The following SUMF1 variants were observed in gnomAD, a reference collection of about 807,000 sequenced individuals.
SUMF1 encodes the protein sulfatase modifying factor 1, also known as formylglycine-generating enzyme.
A neutral mutation model predicts 47.6 loss-of-function variants in SUMF1; 48 were observed. That is an observed-to-expected ratio of 1.01 (90% CI 0.80 to 1.28). The LOEUF (loss-of-function observed/expected upper bound fraction) is 1.28, where lower values mean the gene tolerates loss of function less well. SUMF1 is among the 50% of genes most tolerant of loss of function. SUMF1 has a pLI of 0.00. For missense variants in SUMF1, 571 were observed against 485.4 expected, an observed-to-expected ratio of 1.18 and a Z score of -1.66; for synonymous variants, 230 against 192.1, an observed-to-expected ratio of 1.20 and a Z score of -1.63.
intron 3 of SUMF1, among the ~76,000 whole-genome samples, chr3:4,445,679 C>T (rs1171071098): frequency 6.6e-6 from 1 of 152,122 alleles, no homozygotes; most frequent in Non-Finnish European, 1.5e-5. Flanking sequence ...TTCATGAAGA[C>T]TTTTTTAAAT....
At chr3:4,369,526 C>T (rs1009650986) in intron 8 of SUMF1, among the ~76,000 whole-genome samples, 1 of 152,182 alleles carries the variant, frequency 6.6e-6, no homozygotes, top group Non-Finnish European at 1.5e-5. Flanking sequence ...GCAAACTCCA[C>T]ACTGCAACAA....
intron 9 of SUMF1, among the ~76,000 whole-genome samples, chr3:4,063,547 G>C (rs1336264373): frequency 6.6e-6 from 1 of 152,016 alleles, no homozygotes; most frequent in African/African-American, 2.4e-5. Context: ...CAAACCTGCT[G>C]AATATGCATG....
chr3:4,293,414 G>C (rs543481397), intron 8 of SUMF1, among the ~76,000 whole-genome samples: 2 of 152,262 alleles, frequency 1.3e-5, no homozygotes, highest in East Asian at 1.9e-4. Context: ...CACAGGCATA[G>C]AGCAGTTTGT....
Position 4,217,602 on chromosome 3 carries a change from C to A in SUMF1, c.1015-148857G>T, listed in dbSNP as rs113279992. Among the ~76,000 whole-genome samples the A allele has an allele frequency of 2.3e-5, 3 of 128,318 alleles. 1 individual carries two copies. The highest frequency in any genetic ancestry group is 9.0e-5 in the African/African-American group (3 of 33,444). The allele number at this position is 128,318 out of a possible 152,430, so 84.2% of individuals were successfully genotyped here. On this transcript the variant is annotated intron_variant and NMD_transcript_variant, in intron 8 of 12. Transcript: ENST00000448413. Reference sequence around the variant, plus strand: ...GAGACAACATTTTGTATATATTTCACGATTTCTTTTTAGGGAAATGTACAA... The same window carrying A: ...GAGACAACATTTTGTATATATTTCAAGATTTCTTTTTAGGGAAATGTACAA...
At chr3:4,303,898 A>G in intron 8 of SUMF1, 6 of 1,240,470 alleles carry the variant, frequency 4.8e-6, no homozygotes, top group Non-Finnish European at 6.3e-6. Context: ...CTATTAATGG[A>G]TCGCAGCCGG....
rs1388768119 is a variant in SUMF1 at position 4,075,568 on chromosome 3, C to T, written c.1015-6823G>A. Among the ~76,000 whole-genome samples the T allele has an allele frequency of 2.6e-5, 4 of 152,100 alleles. No homozygotes were observed. The South Asian group carries it at 8.3e-4, about 32-fold the overall frequency. ...TCAAATTGTCTCTGTTTGCAGATGA[C>T]ATGTTTATATATTTAGAAAACCCCA... On this transcript the variant is annotated intron_variant and NMD_transcript_variant, in intron 8 of 12. Transcript: ENST00000448413.
chr3:4,302,215 T>C (rs540661289), intron 8 of SUMF1, among the ~76,000 whole-genome samples: 11 of 152,258 alleles, frequency 7.2e-5, no homozygotes, highest in African/African-American at 2.6e-4. Context: ...CCCAAGGTGG[T>C]TGGGATACAG....
In SUMF1 at chr3:4,210,937, C is replaced by G. The variant is rs563464032; in HGVS notation, c.1015-142192G>C. 5.3e-5 allele frequency among the ~76,000 whole-genome samples: 8 copies of G among 151,452 alleles called. No individual in the cohort carries two copies. The East Asian group carries it at 1.6e-3, about 30-fold the overall frequency. ...TCATAAAAAGGCTAGACTGGCATAG[C>G]CTCCCAGCATACATCTTTCTCCTGT... On this transcript the variant is annotated intron_variant and NMD_transcript_variant, in intron 8 of 12. Transcript: ENST00000448413.
intron 8 of SUMF1, among the ~76,000 whole-genome samples, chr3:4,097,298 C>A (rs890846102): frequency 8.5e-5 from 13 of 152,090 alleles, no homozygotes; most frequent in Non-Finnish European, 1.5e-4. Flanking sequence ...CGCCTGTAAT[C>A]CCAGCACTTT....
intron 8 of SUMF1, among the ~76,000 whole-genome samples, chr3:4,235,953 ATT>A (rs915082660): frequency 6.6e-6 from 1 of 151,802 alleles, no homozygotes; most frequent in South Asian, 2.1e-4. Context: ...GTGTACAATA[ATT>A]TTTTTGAGAC....
At chr3:4,141,193 C>T (rs949292610) in intron 8 of SUMF1, among the ~76,000 whole-genome samples, 2 of 152,142 alleles carry the variant, frequency 1.3e-5, no homozygotes, top group African/African-American at 4.8e-5. Context: ...GTACTCCTTT[C>T]AAATAAATGC....
intron 8 of SUMF1, among the ~76,000 whole-genome samples, chr3:4,155,892 G>C (rs1250451113): frequency 6.6e-6 from 1 of 150,988 alleles, no homozygotes; most frequent in African/African-American, 2.5e-5. Flanking sequence ...CCCCTCCACA[G>C]ATACTCTTCA....
intron 8 of SUMF1, among the ~76,000 whole-genome samples, chr3:4,297,489 C>A (rs1697876709): frequency 6.6e-6 from 1 of 151,868 alleles, no homozygotes; most frequent in Non-Finnish European, 1.5e-5. Context: ...CTAACTGAAG[C>A]CTTGGATTGC....
chr3:4,201,038 G>A (rs900172930), intron 8 of SUMF1, among the ~76,000 whole-genome samples: 1 of 151,702 alleles, frequency 6.6e-6, no homozygotes, highest in Admixed American at 6.6e-5. Context: ...TATTTATAAG[G>A]TATATGAGAT....
chr3:4,291,422 T>G (rs1424548047), intron 8 of SUMF1, among the ~76,000 whole-genome samples: 1 of 152,156 alleles, frequency 6.6e-6, no homozygotes, highest in African/African-American at 2.4e-5. Context: ...CTTCCATTTT[T>G]ACTCACTCTA....
chr3:4,179,152 C>T (rs1033629599), intron 8 of SUMF1, among the ~76,000 whole-genome samples: 27 of 152,120 alleles, frequency 1.8e-4, no homozygotes, highest in African/African-American at 4.8e-4. Flanking sequence ...ATCAAGCTAC[C>T]GCTGACTTTC....
chr3:4,164,463 G>T (rs754701028), intron 8 of SUMF1, among the ~76,000 whole-genome samples: 1 of 152,194 alleles, frequency 6.6e-6, no homozygotes. Flanking sequence ...CTGGGGCAGT[G>T]CGCCTTCCAG....
intron 8 of SUMF1, among the ~76,000 whole-genome samples, chr3:4,124,865 A>G (rs1433938237): frequency 6.6e-6 from 1 of 152,038 alleles, no homozygotes; most frequent in Non-Finnish European, 1.5e-5. Context: ...AATATCTAAT[A>G]TACACTTATA....
rs573011277 is a variant in SUMF1, at chr3:4,187,708, A to G, written c.1015-118963T>C. ...GGTAGTATGTTAATAGCATGTGTGT[A>G]GAGGAGTGACTATGTTTGCATATGT... On this transcript the variant is annotated intron_variant and NMD_transcript_variant, in intron 8 of 12. Coordinates refer to the SUMF1 transcript ENST00000448413. Among the ~76,000 whole-genome samples the G allele has an allele frequency of 6.6e-5, 10 of 152,318 alleles. No individual in the cohort carries two copies. In the South Asian group the frequency reaches 2.1e-3, roughly 32 times the overall value.
Sources: gnomAD v4.1 joint callset for allele counts (sites outside exome capture counted in the v4.1 genomes callset) on GRCh38, gnomAD v4.1.1 for gene constraint, MANE v1.5 for transcripts, NCBI Gene and HGNC (gene_info 2026-07-23, HGNC 2026-07-21) for gene names.